GPR179: variants seen among roughly 807,000 people sequenced by gnomAD.
GPR179 encodes G protein-coupled receptor 179, also known as probable G protein-coupled receptor 179.
GPR179 carries 52 observed loss-of-function variants against 70.8 expected under a neutral mutation model. The observed-to-expected ratio is 0.73, with a 90% confidence interval of 0.59 to 0.93. The LOEUF (loss-of-function observed/expected upper bound fraction) is 0.93, where lower values mean the gene tolerates loss of function less well. Among genes scored for constraint, GPR179 ranks in the 40% least tolerant of loss-of-function variants. The pLI is 0.00. For synonymous variants in GPR179, 1,123 were observed against 1,169.0 expected, an observed-to-expected ratio of 0.96 and a Z score of 0.80; for missense variants, 2,734 against 2,966.8, an observed-to-expected ratio of 0.92 and a Z score of 1.82.
chr17:38,331,388 G>C lies in GPR179; in HGVS notation c.2181C>G (p.Pro727=). ...RSFMRYLAEF[P]EALARQHSRD... is the part of the protein sequence containing the mutation. ...GGGAGTGCTGCCTGGCCAGGGCCTCGGGGAATTCCGCCAGGTACCTCATGA... is the reference window on the plus strand; with the variant it reads ...GGGAGTGCTGCCTGGCCAGGGCCTCCGGGAATTCCGCCAGGTACCTCATGA... Residue 727 remains proline, a synonymous_variant, in exon 11 of 11, where the codon CCC becomes CCG. Coordinates refer to ENST00000616987, the MANE Select transcript of GPR179 (RefSeq NM_001004334.4). The C allele has an allele frequency of 6.2e-7, 1 of 1,614,000 alleles. No homozygotes were observed. Among genetic ancestry groups the C allele is most frequent in the Non-Finnish European group, 8.5e-7 (1 of 1,179,956 alleles).
rs766603105 is a variant in GPR179, at chr17:38,330,089, G to A, written c.3480C>T (p.His1160=). 4.3e-5 allele frequency: 70 copies of A among 1,613,658 alleles called. No individual in the cohort carries two copies. The highest frequency in any genetic ancestry group is 5.3e-5 in the Non-Finnish European group (62 of 1,179,818). ...GACAGACTTGGAGCATCCTGCTGGT[G>A]TGAGCGTTCTGTTGGTTCTGGAGGG... ...KESLQNQQNA[H]TSRMLQVCQR... Residue 1160 remains histidine, a synonymous_variant, in exon 11 of 11, where the codon CAC becomes CAT. Coordinates refer to ENST00000616987, the MANE Select transcript of GPR179 (RefSeq NM_001004334.4).
At chr17:38,339,616 C>T (rs2037433681) in intron 1 of GPR179, 91 bp from the exon 2 acceptor site, 8 of 884,862 alleles carry the variant, frequency 9.0e-6, no homozygotes, top group Non-Finnish European at 1.5e-5. Context: ...GAAAATGATG[C>T]TCGGAATTAT....
At chr17:38,338,767 A>G (rs1015871660) in intron 2 of GPR179, among the ~76,000 whole-genome samples, 19 of 152,304 alleles carry the variant, frequency 1.2e-4, no homozygotes, top group Middle Eastern at 3.4e-3. Context: ...GTAACCATGG[A>G]GCGGGTGAAT....
rs1219548514 is a variant in GPR179 at position 38,325,338 on chromosome 17, C to T, written c.*1127G>A. ...CTCAGGCTTCTAACTTGCCCTGTAG[C>T]ACTCCTCTTTTAGAGGGCAGAAGAA... On this transcript the variant is annotated 3_prime_UTR_variant, in exon 11 of 11. Coordinates refer to ENST00000616987, the MANE Select transcript of GPR179 (RefSeq NM_001004334.4). 6.6e-6 allele frequency among the ~76,000 whole-genome samples: 1 copy of T among 152,130 alleles called. No individual in the cohort carries two copies. Among genetic ancestry groups the T allele is most frequent in the African/African-American group, 2.4e-5 (1 of 41,412 alleles).
rs756281238 is a variant in GPR179, at chr17:38,327,130, T to C, written c.6439A>G (p.Arg2147Gly). ...GGAAEEGEQE[R>G]ESQGQGEMFL... ...ATCTCTCCTTGCCCTTGTGATTCTC[T>C]TTCCTGTTCCCCTTCCTCTGCTGCT... Residue 2147 changes from arginine to glycine, a missense_variant, in exon 11 of 11, where the codon AGA becomes GGA. Arg to Gly is a moderately radical substitution (Grantham distance 125). Transcript: ENST00000616987. 5 of 1,614,086 alleles carry C rather than the reference T, an allele frequency of 3.1e-6. No homozygotes were observed. Among genetic ancestry groups the C allele is most frequent in the Middle Eastern group, 1.6e-4 (1 of 6,084 alleles).
At position 38,329,027 on chromosome 17, in the gene GPR179, A is replaced by G. The variant is rs1194131826; in HGVS notation, c.4542T>C (p.Phe1514=). 1 of 1,613,712 alleles carries G rather than the reference A, an allele frequency of 6.2e-7. No individual in the cohort carries two copies. Among genetic ancestry groups the G allele is most frequent in the Non-Finnish European group, 8.5e-7 (1 of 1,179,988 alleles). The part of the protein sequence containing the change: ...EKEKASRKGS[F]GEMGEQTVKA... The stretch of plus-strand genomic sequence containing the variant: ...TCACAGTTTGTTCCCCCATCTCTCC[A>G]AAGCTTCCTTTTCTGGAGGCTTTTT... The change falls in exon 11 of 11, where the codon TTT becomes TTC. Residue 1514 remains phenylalanine, a synonymous_variant. Transcript: ENST00000616987.
chr17:38,335,994 A>G, intron 5 of GPR179, 82 bp downstream of exon 5: 1 of 973,306 alleles, frequency 1.0e-6, no homozygotes, highest in Non-Finnish European at 1.7e-6. Flanking sequence ...AGGGCAGAGA[A>G]GGGTTCTGGG....
chr17:38,325,433 G>C lies in GPR179; in HGVS notation c.*1032C>G, dbSNP rs1300077722. 2 of 116,054 alleles carry C rather than the reference G, an allele frequency of 1.7e-5. No homozygotes were observed. The highest frequency in any genetic ancestry group is 3.3e-5 in the African/African-American group (1 of 30,538). 7.2% of individuals were successfully genotyped at this position (116,054 alleles called of 1,614,324 possible). On this transcript the variant is annotated 3_prime_UTR_variant, in exon 11 of 11. Coordinates refer to ENST00000616987, the MANE Select transcript of GPR179 (RefSeq NM_001004334.4). ...TGGAAGGAGATTGATGTGGCCTCTT[G>C]TTACTGAGCAAGTGATTCTTGGGCG...
At chr17:38,342,907 G>A in intron 1 of GPR179, 89 bp downstream of exon 1, 1 of 1,304,450 alleles carries the variant, frequency 7.7e-7, no homozygotes, top group Non-Finnish European at 1.1e-6. Context: ...ACATGTTCGT[G>A]CCAAATGGCC....
Position 38,327,845 on chromosome 17 carries a change from C to T in GPR179, c.5724G>A (p.Leu1908=), listed in dbSNP as rs1008948890. ...TCAGGTCCCCCTTCTCTGTTGCTTC[C>T]AAGGAATGTCCCTCTGCCACTTCAC... ...MSSEVAEGHS[L]EATEKGDLRQ... is the part of the protein sequence containing the mutation. Residue 1908 remains leucine, a synonymous_variant, in exon 11 of 11, where the codon TTG becomes TTA. Coordinates refer to ENST00000616987, the MANE Select transcript of GPR179 (RefSeq NM_001004334.4). 4 of 1,614,088 alleles carry T rather than the reference C, an allele frequency of 2.5e-6. No individual in the cohort carries two copies. The highest frequency in any genetic ancestry group is 1.6e-4 in the Middle Eastern group (1 of 6,084).
chr17:38,326,282 C>T lies in GPR179; in HGVS notation c.*183G>A. On this transcript the variant is annotated 3_prime_UTR_variant, in exon 11 of 11. Coordinates refer to ENST00000616987, the MANE Select transcript of GPR179 (RefSeq NM_001004334.4). ...GAAGTAAAGAGAGGGTGGGCCTTCC[C>T]ATTGGGGTCTAAGCTGTACCCTTTT... The T allele has an allele frequency of 1.9e-6, 1 of 539,452 alleles. No individual in the cohort carries two copies. Among genetic ancestry groups the T allele is most frequent in the Non-Finnish European group, 3.3e-6 (1 of 306,720 alleles). 33.4% of individuals were successfully genotyped at this position (539,452 alleles called of 1,614,324 possible).
At chr17:38,340,180 A>C (rs888305729) in intron 1 of GPR179, among the ~76,000 whole-genome samples, 2 of 152,190 alleles carry the variant, frequency 1.3e-5, no homozygotes, top group African/African-American at 4.8e-5. Context: ...TCTGTTGCCC[A>C]GGCTGGAGTG....
At position 38,328,405 on chromosome 17, in the gene GPR179, C is replaced by T. The variant is rs765227218; in HGVS notation, c.5164G>A (p.Glu1722Lys). Residue 1722 changes from glutamate (E) to lysine (K), a missense_variant, in exon 11 of 11, where the codon GAG becomes AAG. Coordinates refer to ENST00000616987, the MANE Select transcript of GPR179 (RefSeq NM_001004334.4). ...GAGEERALGA[E>K]AIRKSPNDTG... ...TCATTTGGAGATTTCCTAATGGCCT[C>T]AGCTCCCAAAGCCCTTTCCTCCCCT... is the stretch of plus-strand genomic sequence containing the variant. 1 of 1,614,114 alleles carries T rather than the reference C, an allele frequency of 6.2e-7. No homozygotes were observed. Among genetic ancestry groups the T allele is most frequent in the Non-Finnish European group, 8.5e-7 (1 of 1,180,010 alleles).
chr17:38,334,099 C>T lies in GPR179; in HGVS notation c.1785-61G>A. 1 of 1,207,226 alleles carries T rather than the reference C, an allele frequency of 8.3e-7. No homozygotes were observed. The highest frequency in any genetic ancestry group is 1.2e-6 in the Non-Finnish European group (1 of 810,856). 74.8% of individuals were successfully genotyped at this position (1,207,226 alleles called of 1,614,324 possible). ...GCAGGAGTTGCCTCTTCTGCTTTGC[C>T]TTCTCACTGGCGTTTCACCTCAGCC... On this transcript the variant is annotated intron_variant, in intron 8 of 10. Coordinates refer to ENST00000616987, the MANE Select transcript of GPR179 (RefSeq NM_001004334.4). The surrounding 1 kb of genome is among the most constrained non-coding windows in gnomAD (Gnocchi z 4.7).
rs1418954499 is a variant in GPR179, at chr17:38,327,358, G to A, written c.6211C>T (p.Gln2071Ter). 1.2e-6 allele frequency: 2 copies of A among 1,614,194 alleles called. No homozygotes were observed. The highest frequency in any genetic ancestry group is 1.7e-6 in the Non-Finnish European group (2 of 1,180,028). Residue 2071 changes from glutamine (Q) to a stop codon, truncating the protein, a stop_gained, in exon 11 of 11, where the codon CAG (glutamine) becomes TAG (stop). Coordinates refer to ENST00000616987, the MANE Select transcript of GPR179 (RefSeq NM_001004334.4). LOFTEE classifies it low-confidence loss of function (END_TRUNC). ...CTCTCCCAGGGACACACAGCCTCCT[G>A]CTGCCTGAAGTCTGCCATCTCTGGC... Reference protein sequence around the residue: ...KKPEMADFRQQEAVCPWESQD... With the variant: ...KKPEMADFRQ
In GPR179 at chr17:38,343,848, G is replaced by A; in HGVS notation, c.-59C>T. 7.2e-7 allele frequency: 1 copy of A among 1,382,002 alleles called. No homozygotes were observed. Among genetic ancestry groups the A allele is most frequent in the South Asian group, 1.5e-5 (1 of 65,346 alleles). The allele number at this position is 1,382,002 out of a possible 1,614,324, so 85.6% of individuals were successfully genotyped here. A position where few individuals can be genotyped will look rare whatever the true frequency, so the allele number is the denominator to read the frequency against. On this transcript the variant is annotated 5_prime_UTR_variant, in exon 1 of 11. Transcript: ENST00000616987. This position sits in a 1 kb window ranked among gnomAD's most constrained non-coding sequence, Gnocchi z 4.2. Reference sequence around the variant, plus strand: ...GCTCAGGAGAGCCCAGGCAGAGGCTGGCTGCAGTCTGGGGGCTGTCGGCCT... The same window carrying A: ...GCTCAGGAGAGCCCAGGCAGAGGCTAGCTGCAGTCTGGGGGCTGTCGGCCT...
At position 38,334,858 on chromosome 17, in the gene GPR179, G is replaced by A. The variant is rs1044720888; in HGVS notation, c.1646-16C>T. On this transcript the variant is annotated splice_polypyrimidine_tract_variant and intron_variant, in intron 7 of 10. Coordinates refer to ENST00000616987, the MANE Select transcript of GPR179 (RefSeq NM_001004334.4). The surrounding 1 kb of genome is among the most constrained non-coding windows in gnomAD (Gnocchi z 4.7). ...AGCAGCTCAGCTGTGGGGAGACAGG[G>A]AGGGAGAGAGCCGGCACCACCTCAG... is the stretch of plus-strand genomic sequence containing the variant. The A allele has an allele frequency of 1.2e-6, 2 of 1,609,656 alleles. No individual in the cohort carries two copies. The highest frequency in any genetic ancestry group is 1.7e-6 in the Non-Finnish European group (2 of 1,178,766).
rs886848120 is a variant in GPR179, at chr17:38,325,140, G to A, written c.*1325C>T. On this transcript the variant is annotated 3_prime_UTR_variant, in exon 11 of 11. Coordinates refer to ENST00000616987, the MANE Select transcript of GPR179 (RefSeq NM_001004334.4). ...CCTTTGCCAATCTTGGGACTTCTTT[G>A]TATGTTTTTCTCCTTCTTCCTTTCC... is the stretch of plus-strand genomic sequence containing the variant. 3.3e-5 allele frequency among the ~76,000 whole-genome samples: 5 copies of A among 151,936 alleles called. No individual in the cohort carries two copies. Among genetic ancestry groups the A allele is most frequent in the African/African-American group, 9.7e-5 (4 of 41,352 alleles).
Position 38,325,559 on chromosome 17 carries a change from G to C in GPR179, c.*906C>G, listed in dbSNP as rs965164634. The C allele has an allele frequency of 1.3e-5, 2 of 152,278 alleles. No homozygotes were observed. The highest frequency in any genetic ancestry group is 1.3e-4 in the Admixed American group (2 of 15,288). The allele number at this position is 152,278 out of a possible 1,614,324, so 9.4% of individuals were successfully genotyped here. A position where few individuals can be genotyped will look rare whatever the true frequency, so the allele number is the denominator to read the frequency against. ...AGAGAGAGGTCCTGTTGATGGCAGC[G>C]CTGAAAAGCTAGGGGGAAGGAAATG... On this transcript the variant is annotated 3_prime_UTR_variant, in exon 11 of 11. Transcript: ENST00000616987.
Sources: gnomAD v4.1 joint callset for allele counts (sites outside exome capture counted in the v4.1 genomes callset) on GRCh38, gnomAD v4.1.1 for gene constraint, Gnocchi (gnomAD v3.1) non-coding constraint, MANE v1.5 for transcripts, NCBI Gene and HGNC (gene_info 2026-07-23, HGNC 2026-07-21) for gene names.